The following TRPC4AP variants were observed in gnomAD, a reference collection of about 807,000 sequenced individuals.
The protein encoded by TRPC4AP is transient receptor potential cation channel subfamily C member 4 associated protein.
In TRPC4AP, 45 loss-of-function variants were observed where a neutral mutation model predicts 99.0. The ratio of observed to expected loss-of-function variants is 0.45; its 90% CI spans 0.36 to 0.58. The LOEUF (loss-of-function observed/expected upper bound fraction) is 0.58. TRPC4AP is among the 20% of genes least tolerant of loss of function. The pLI is 0.00. For synonymous variants in TRPC4AP, 408 were observed against 385.8 expected, an observed-to-expected ratio of 1.06 and a Z score of -0.67; for missense variants, 879 against 985.3, an observed-to-expected ratio of 0.89 and a Z score of 1.44.
intron 8 of TRPC4AP, among the ~76,000 whole-genome samples, chr20:35,025,745 CAT>C (rs1280976286): frequency 2.6e-5 from 4 of 152,154 alleles, no homozygotes; most frequent in Admixed American, 6.5e-5. Context: ...TCACTTTCCT[CAT>C]TGTGTTTTCT....
At chr20:35,010,118 A>G in intron 12 of TRPC4AP, 69 bp downstream of exon 12, 1 of 1,334,824 alleles carries the variant, frequency 7.5e-7, no homozygotes, top group Non-Finnish European at 1.1e-6. Context: ...GGATGTGCTC[A>G]CCGGTGAGCC....
intron 18 of TRPC4AP, 39 bp downstream of exon 18, chr20:35,003,371 G>C: frequency 1.9e-6 from 3 of 1,592,670 alleles, no homozygotes; most frequent in Non-Finnish European, 2.6e-6. Flanking sequence ...CCCTGGGTCC[G>C]CGGCCCACCC....
intron 7 of TRPC4AP, among the ~76,000 whole-genome samples, chr20:35,038,269 T>G (rs1320578341): frequency 1.0e-5 from 1 of 95,722 alleles, no homozygotes; most frequent in Non-Finnish European, 2.2e-5. Context: ...GATTTTTGTT[T>G]GAGACACCAT....
intron 1 of TRPC4AP, among the ~76,000 whole-genome samples, chr20:35,079,448 T>TC (rs974158393): frequency 1.3e-5 from 2 of 152,158 alleles, no homozygotes; most frequent in African/African-American, 4.8e-5. Flanking sequence ...GAAATATCTA[T>TC]AGTCAATAAT....
intron 13 of TRPC4AP, among the ~76,000 whole-genome samples, chr20:35,008,008 G>C (rs567583329): frequency 6.6e-6 from 1 of 152,196 alleles, no homozygotes; most frequent in South Asian, 2.1e-4. Context: ...GGAAGCGGAC[G>C]AACACATGCA....
intron 1 of TRPC4AP, among the ~76,000 whole-genome samples, chr20:35,087,635 G>A (rs2084925775): frequency 6.6e-6 from 1 of 152,138 alleles, no homozygotes; most frequent in Non-Finnish European, 1.5e-5. Context: ...AAGGAATCCA[G>A]AATTGATTCT....
chr20:35,059,531 G>A (rs907675386), intron 3 of TRPC4AP, among the ~76,000 whole-genome samples: 4 of 152,038 alleles, frequency 2.6e-5, no homozygotes. Flanking sequence ...GTGGTGGTAC[G>A]CCTATAGTTC....
At chr20:35,074,818 A>G (rs895482656) in intron 2 of TRPC4AP, among the ~76,000 whole-genome samples, 2 of 152,084 alleles carry the variant, frequency 1.3e-5, no homozygotes, top group African/African-American at 4.8e-5. Context: ...CAATTCCTGG[A>G]TATCCCTGTT....
In TRPC4AP at chr20:35,007,600, T is replaced by A; in HGVS notation, c.1636A>T (p.Thr546Ser). 6.2e-7 allele frequency: 1 copy of A among 1,614,170 alleles called. No individual in the cohort carries two copies. Among genetic ancestry groups the A allele is most frequent in the Non-Finnish European group, 8.5e-7 (1 of 1,180,034 alleles). ...AACATCTGGTCTGCATAGGAGGTGG[T>A]CCCTCGGAGGAAACTCTCCACAGCC... ...ARAVESFLRG[T>S]TSYADQMFLL... Residue 546 changes from threonine to serine, a missense_variant, in exon 14 of 19, where the codon ACC becomes TCC. Thr to Ser is a moderately conservative substitution (Grantham distance 58, BLOSUM62 1). Coordinates refer to ENST00000252015, the MANE Select transcript of TRPC4AP (RefSeq NM_015638.3).
intron 3 of TRPC4AP, among the ~76,000 whole-genome samples, 167 bp from the exon 4 acceptor site, chr20:35,057,738 G>A (rs1012902811): frequency 2.6e-5 from 4 of 152,174 alleles, no homozygotes; most frequent in Non-Finnish European, 4.4e-5. Context: ...AGCAAGTCAG[G>A]AGACCCAGGT....
chr20:35,016,943 T>C (rs2082769059), intron 9 of TRPC4AP, among the ~76,000 whole-genome samples: 1 of 152,222 alleles, frequency 6.6e-6, no homozygotes, highest in African/African-American at 2.4e-5. Flanking sequence ...TCACACGCTG[T>C]TGGTGGGAGG....
intron 5 of TRPC4AP, among the ~76,000 whole-genome samples, chr20:35,051,250 G>A (rs527938203): frequency 7.5e-4 from 114 of 152,154 alleles, no homozygotes; most frequent in Non-Finnish European, 1.1e-3. Flanking sequence ...CCCAAGCTAG[G>A]AGGCATTTCA....
intron 7 of TRPC4AP, among the ~76,000 whole-genome samples, chr20:35,037,742 G>A (rs2083354119): frequency 6.6e-6 from 1 of 152,196 alleles, no homozygotes; most frequent in African/African-American, 2.4e-5. Flanking sequence ...ACAGAAGACG[G>A]TGGTGCCATC....
intron 9 of TRPC4AP, among the ~76,000 whole-genome samples, chr20:35,018,604 GAA>G (rs11479211): frequency 0.012 from 1,026 of 88,966 alleles, 5 homozygotes; most frequent in Middle Eastern, 0.044. Flanking sequence ...CTCAAAAAAA[GAA>G]AAAAAAAAAA....
chr20:35,089,144 C>A (rs2084968606), intron 1 of TRPC4AP, among the ~76,000 whole-genome samples: 1 of 151,774 alleles, frequency 6.6e-6, no homozygotes. Flanking sequence ...GTTGGGATTA[C>A]AGGTGTAAGC....
At chr20:35,070,462 G>A (rs1364090011) in intron 2 of TRPC4AP, among the ~76,000 whole-genome samples, 1 of 151,596 alleles carries the variant, frequency 6.6e-6, no homozygotes, top group East Asian at 1.9e-4. Context: ...CCAGGCTGGA[G>A]TGCAGTGGCG....
At chr20:35,086,479 GTGTGTGTA>G (rs2084862412) in intron 1 of TRPC4AP, among the ~76,000 whole-genome samples, 3 of 94,176 alleles carry the variant, frequency 3.2e-5, no homozygotes, top group East Asian at 2.8e-4. Flanking sequence ...GTGTGTGTAT[GTGTGTGTA>G]TATATATATG....
At chr20:35,020,396 G>C (rs527824047) in intron 9 of TRPC4AP, among the ~76,000 whole-genome samples, 8 of 152,278 alleles carry the variant, frequency 5.3e-5, no homozygotes, top group African/African-American at 1.4e-4. Context: ...GCTCCAGGCT[G>C]TCCCGCGCTG....
chr20:35,044,474 T>C (rs2083513625), intron 7 of TRPC4AP, 31 bp downstream of exon 7: 3 of 1,596,850 alleles, frequency 1.9e-6, no homozygotes, highest in South Asian at 1.1e-5. Flanking sequence ...AGAGCTATAA[T>C]CTCAAAATTC....
Sources: gnomAD v4.1 joint callset for allele counts (sites outside exome capture counted in the v4.1 genomes callset) on GRCh38, gnomAD v4.1.1 for gene constraint, MANE v1.5 for transcripts, NCBI Gene and HGNC (gene_info 2026-07-23, HGNC 2026-07-21) for gene names.